IFT122: variants seen among roughly 807,000 people sequenced by gnomAD.
IFT122 encodes intraflagellar transport 122, also known as intraflagellar transport protein 122 homolog.
IFT122 carries 118 observed loss-of-function variants against 161.6 expected under a neutral mutation model. The ratio of observed to expected loss-of-function variants is 0.73; its 90% confidence interval spans 0.63 to 0.85. The LOEUF is 0.85. Ranked by LOEUF, IFT122 falls within the 40% of genes least tolerant of loss-of-function variation. IFT122 has a pLI of 0.00. For synonymous variants in IFT122, 550 were observed against 602.4 expected (o/e 0.91, Z 1.27); for missense variants, 1,381 against 1,579.6 (o/e 0.87, Z 2.13).
intron 9 of IFT122, among the ~76,000 whole-genome samples, chr3:129,474,159 TTAAC>T (rs1327160331): frequency 6.6e-6 from 1 of 152,232 alleles, no homozygotes; most frequent in Non-Finnish European, 1.5e-5. Context: ...GGGAATTAAT[TTAAC>T]TAAGTTTTAA....
chr3:129,504,494 C>A, intron 21 of IFT122, 73 bp downstream of exon 21: 4 of 1,187,528 alleles, frequency 3.4e-6, no homozygotes, highest in Non-Finnish European at 5.0e-6. Flanking sequence ...TTCAGGAAGG[C>A]TACCAAGCCC....
intron 23 of IFT122, among the ~76,000 whole-genome samples, chr3:129,511,277 A>G (rs1330105725): frequency 1.3e-5 from 2 of 152,232 alleles, no homozygotes; most frequent in African/African-American, 4.8e-5. Context: ...TTACCCTGGA[A>G]AGGATGTGGT....
Position 129,449,909 on chromosome 3 carries a change from T to C in IFT122, c.80T>C (p.Leu27Pro), listed in dbSNP as rs772212316. ...DIAFKPDGTQ[L>P]ILAAGSRLLV... Reference sequence around the variant, plus strand: ...GCATTTAAGCCTGATGGAACTCAACTGATTTTGGCTGCCGGAAGCAGATTA... The same window carrying C: ...GCATTTAAGCCTGATGGAACTCAACCGATTTTGGCTGCCGGAAGCAGATTA... Residue 27 changes from leucine (L) to proline (P), a missense_variant, in exon 2 of 30, where the codon CTG becomes CCG. Coordinates refer to ENST00000348417, the MANE Select transcript of IFT122 (RefSeq NM_052989.3). 6.2e-7 allele frequency: 1 copy of C among 1,613,622 alleles called. No individual in the cohort carries two copies. Among genetic ancestry groups the C allele is most frequent in the South Asian group, 1.1e-5 (1 of 91,072 alleles).
chr3:129,440,370 T>C lies in IFT122; in HGVS notation c.40T>C (p.Cys14Arg), dbSNP rs2072785678. Reference protein sequence around the residue: ...VLTWRDKAEHCINDIAFKPDG... With the variant: ...VLTWRDKAEHRINDIAFKPDG... Reference sequence around the variant, plus strand: ...GACGTGGAGAGATAAAGCCGAGCACTGGTGAGGAGCGGGGCGGTTCGCGAA... The same window carrying C: ...GACGTGGAGAGATAAAGCCGAGCACCGGTGAGGAGCGGGGCGGTTCGCGAA... Residue 14 changes from cysteine (C) to arginine (R), a missense_variant and splice_region_variant, in exon 1 of 30, where the codon TGT becomes CGT. Cys to Arg is a radical substitution (Grantham distance 180). Around this residue, in one of 7 missense-constraint regions of IFT122, gnomAD observed 134 missense variants for 137.4 expected, o/e 0.98. Coordinates refer to ENST00000348417, the MANE Select transcript of IFT122 (RefSeq NM_052989.3). The C allele has an allele frequency of 1.9e-6, 3 of 1,550,360 alleles. No individual in the cohort carries two copies. Among genetic ancestry groups the C allele is most frequent in the African/African-American group, 1.4e-5 (1 of 73,112 alleles).
intron 9 of IFT122, among the ~76,000 whole-genome samples, chr3:129,471,539 T>A (rs144094003): frequency 1.3e-5 from 2 of 152,196 alleles, no homozygotes; most frequent in Non-Finnish European, 2.9e-5. Context: ...CTTGTTGCTA[T>A]GGCCACAGAA....
At chr3:129,504,237 C>A in intron 20 of IFT122, 82 bp from the exon 21 acceptor site, 1 of 1,179,802 alleles carries the variant, frequency 8.5e-7, no homozygotes, top group Non-Finnish European at 1.3e-6. Flanking sequence ...TATGATGTCC[C>A]TAATGGATTC....
intron 12 of IFT122, 135 bp from the exon 13 acceptor site, chr3:129,479,650 G>C (rs1395606134): frequency 1.8e-6 from 2 of 1,082,090 alleles, no homozygotes; most frequent in Non-Finnish European, 2.8e-6. Context: ...CAATCGTGGG[G>C]TCTACATTGG....
chr3:129,496,372 C>T (rs6786176), intron 18 of IFT122, among the ~76,000 whole-genome samples: 50 of 152,130 alleles, frequency 3.3e-4, no homozygotes, highest in African/African-American at 8.2e-4. Flanking sequence ...AAAGAGGCTT[C>T]GGTACACTGG....
chr3:129,468,179 T>G (rs2076997346), intron 8 of IFT122, among the ~76,000 whole-genome samples: 1 of 152,222 alleles, frequency 6.6e-6, no homozygotes, highest in African/African-American at 2.4e-5. Flanking sequence ...CCTATGACAT[T>G]TGCCACTCTT....
intron 3 of IFT122, among the ~76,000 whole-genome samples, chr3:129,457,508 G>A (rs1397823826): frequency 6.6e-6 from 1 of 152,036 alleles, no homozygotes; most frequent in Non-Finnish European, 1.5e-5. Context: ...ATGTGGATGG[G>A]TCTGTCTCCT....
intron 9 of IFT122, among the ~76,000 whole-genome samples, chr3:129,475,519 TCA>T (rs756189796): frequency 3.3e-5 from 5 of 152,048 alleles, no homozygotes; most frequent in Non-Finnish European, 7.4e-5. Context: ...AGGCGTGTTC[TCA>T]CACATCTGTA....
At chr3:129,476,940 G>GTTTTTTTT (rs201252917) in intron 11 of IFT122, 139 bp downstream of exon 11, 7 of 715,802 alleles carry the variant, frequency 9.8e-6, no homozygotes, top group South Asian at 2.0e-5. Flanking sequence ...TCTGTGTCTT[G>GTTTTTTTT]TTTTCTTTTT....
intron 13 of IFT122, 123 bp from the exon 14 acceptor site, chr3:129,481,407 A>G (rs550756939): frequency 4.2e-5 from 36 of 858,520 alleles, no homozygotes; most frequent in Non-Finnish European, 2.5e-5. Context: ...TTCCCTGCAC[A>G]GAGCTTCTGG....
At chr3:129,484,458 A>C (rs1577709074) in intron 15 of IFT122, among the ~76,000 whole-genome samples, 2 of 152,352 alleles carry the variant, frequency 1.3e-5, no homozygotes, top group Admixed American at 1.3e-4. Context: ...TGCATAATAT[A>C]CAATTAGGAG....
chr3:129,509,503 G>A (rs374796007), intron 23 of IFT122, among the ~76,000 whole-genome samples: 27 of 152,296 alleles, frequency 1.8e-4, no homozygotes, highest in African/African-American at 5.3e-4. Flanking sequence ...TCGATGTTAC[G>A]AGTTGTCTCT....
At chr3:129,504,533 A>G (rs1445664977) in intron 21 of IFT122, 112 bp downstream of exon 21, 1 of 840,812 alleles carries the variant, frequency 1.2e-6, no homozygotes, top group East Asian at 2.5e-5. Flanking sequence ...AAGATAGATG[A>G]CTTCATCCTG....
intron 17 of IFT122, among the ~76,000 whole-genome samples, chr3:129,494,926 A>C (rs1435113015): frequency 2.0e-5 from 3 of 152,232 alleles, no homozygotes; most frequent in African/African-American, 4.8e-5. Flanking sequence ...GTATATACCC[A>C]GAACCTAGTG....
Position 129,509,667 on chromosome 3 carries a change from A to G in IFT122, c.2886+1905A>G, listed in dbSNP as rs139286035. On this transcript the variant is annotated intron_variant, in intron 23 of 29. Transcript: ENST00000348417. ...AATGCCCGTTGAAATGATGTATAAC[A>G]TAACCACATTTAAGAATGTATTCTA... 7.2e-5 allele frequency among the ~76,000 whole-genome samples: 11 copies of G among 152,380 alleles called. No individual in the cohort carries two copies. The East Asian group carries it at 2.1e-3, about 29-fold the overall frequency.
At chr3:129,445,227 A>G (rs1009184209) in intron 1 of IFT122, among the ~76,000 whole-genome samples, 4 of 152,104 alleles carry the variant, frequency 2.6e-5, no homozygotes, top group African/African-American at 7.2e-5. Flanking sequence ...TCAGGAGGCT[A>G]AGGCAGGAGA....
Sources: allele counts gnomAD v4.1 joint callset (sites outside exome capture counted in the v4.1 genomes callset), GRCh38; gene constraint gnomAD v4.1.1; regional missense constraint gnomAD v4.1.1; transcripts MANE v1.5; gene names NCBI Gene and HGNC (gene_info 2026-07-23, HGNC 2026-07-21).